ATG16L1: variants seen among roughly 807,000 people sequenced by gnomAD.
ATG16L1 encodes autophagy-related protein 16-1.
In ATG16L1, 37 loss-of-function variants were observed where a neutral mutation model predicts 88.5. The observed-to-expected ratio is 0.42, with a 90% CI of 0.32 to 0.55. The LOEUF is 0.55. Among genes scored for constraint, ATG16L1 ranks in the 20% least tolerant of loss-of-function variants. The probability of loss-of-function intolerance (pLI) is 0.13; values close to 1 mark genes in which losing one functional copy is unlikely to be tolerated. For synonymous variants in ATG16L1, 301 were observed against 281.0 expected (o/e 1.07, Z -0.71); for missense variants, 554 against 752.8 (o/e 0.74, Z 3.09).
intron 2 of ATG16L1, among the ~76,000 whole-genome samples, chr2:233,262,571 T>C (rs2125219770): frequency 6.6e-6 from 1 of 152,332 alleles, no homozygotes; most frequent in East Asian, 1.9e-4. Flanking sequence ...TGCTGCTCCT[T>C]CTGCCCAGAG....
chr2:233,263,542 C>T (rs12162308), intron 3 of ATG16L1, among the ~76,000 whole-genome samples: 1 of 151,910 alleles, frequency 6.6e-6, no homozygotes, highest in African/African-American at 2.4e-5. Flanking sequence ...CGCTGAAGGC[C>T]TCACTGATGG....
chr2:233,274,809 C>T (rs367911810), intron 9 of ATG16L1, 31 bp downstream of exon 9: 87 of 1,518,212 alleles, frequency 5.7e-5, no homozygotes, highest in Middle Eastern at 3.6e-4. Context: ...AACCCTACCA[C>T]GCTTGATATG....
At chr2:233,253,795 C>T (rs1453566329) in intron 1 of ATG16L1, among the ~76,000 whole-genome samples, 1 of 152,206 alleles carries the variant, frequency 6.6e-6, no homozygotes, top group Non-Finnish European at 1.5e-5. Flanking sequence ...CTAGGAGGCC[C>T]TGAAGAACAG....
chr2:233,293,830 C>T (rs1198602158), intron 17 of ATG16L1, among the ~76,000 whole-genome samples: 2 of 152,184 alleles, frequency 1.3e-5, no homozygotes. Context: ...CCACACAAGC[C>T]CACCTGCTAG....
At chr2:233,287,024 T>C (rs1368216510) in intron 12 of ATG16L1, among the ~76,000 whole-genome samples, 1 of 152,134 alleles carries the variant, frequency 6.6e-6, no homozygotes, top group Admixed American at 6.5e-5. Flanking sequence ...GTTTCATTCC[T>C]GGAAATAAGT....
intron 5 of ATG16L1, among the ~76,000 whole-genome samples, chr2:233,267,362 A>T (rs995064820): frequency 6.6e-6 from 1 of 152,234 alleles, no homozygotes; most frequent in Non-Finnish European, 1.5e-5. Flanking sequence ...AGCAAAACGA[A>T]AAGAATACTT....
intron 5 of ATG16L1, among the ~76,000 whole-genome samples, chr2:233,269,178 A>G (rs1697809851): frequency 6.6e-6 from 1 of 152,242 alleles, no homozygotes; most frequent in African/African-American, 2.4e-5. Flanking sequence ...TACTAATGTT[A>G]TGTAAACTTT....
rs1699422317 is a variant in ATG16L1, at chr2:233,290,957, A to G, written c.1430+604A>G. On this transcript the variant is annotated intron_variant, in intron 14 of 17. Transcript: ENST00000392017. The stretch of plus-strand genomic sequence containing the variant: ...GGAAATGGTTGCTTTGCAGGAGTCT[A>G]GTAGACGACTTTGGTGGCATTTTGA... 2.0e-5 allele frequency among the ~76,000 whole-genome samples: 3 copies of G among 152,334 alleles called. No individual in the cohort carries two copies. In the South Asian group the frequency reaches 6.2e-4, roughly 32 times the overall value.
chr2:233,273,463 T>C, intron 7 of ATG16L1: 1 of 533,234 alleles, frequency 1.9e-6, no homozygotes, highest in Non-Finnish European at 3.3e-6. Flanking sequence ...GTGAGGTTAG[T>C]TGTCTAATGC....
At chr2:233,271,020 A>G (rs1295316165) in intron 6 of ATG16L1, among the ~76,000 whole-genome samples, 3 of 152,206 alleles carry the variant, frequency 2.0e-5, no homozygotes, top group Non-Finnish European at 4.4e-5. Flanking sequence ...TGCTTTAGAT[A>G]TGTAGGGTAC....
At chr2:233,293,752 C>T (rs1233729786) in intron 17 of ATG16L1, among the ~76,000 whole-genome samples, 2 of 152,174 alleles carry the variant, frequency 1.3e-5, no homozygotes, top group African/African-American at 2.4e-5. Context: ...CTGATCTCCA[C>T]ACACCTTCTT....
rs181150918 is a variant in ATG16L1, at chr2:233,254,026, G to A, written c.116-2076G>A. Among the ~76,000 whole-genome samples the A allele has an allele frequency of 9.2e-4, 140 of 152,340 alleles. 2 individuals carry two copies. The highest frequency in any genetic ancestry group is 1.5e-3 in the Non-Finnish European group (100 of 68,022). ...TTTGCCTCATCTATAAAATGGGGAT[G>A]AAGCTTGCCCTGCCCACTTCATAAA... On this transcript the variant is annotated intron_variant, in intron 1 of 17. Transcript: ENST00000392017.
At chr2:233,287,878 CA>C (rs1386832453) in intron 12 of ATG16L1, among the ~76,000 whole-genome samples, 1 of 151,668 alleles carries the variant, frequency 6.6e-6, no homozygotes, top group African/African-American at 2.4e-5. Flanking sequence ...AACTCTGTCT[CA>C]AAAAAGAAAA....
chr2:233,293,212 G>C (rs1448472356), intron 16 of ATG16L1, 44 bp from the exon 17 acceptor site: 1 of 1,520,012 alleles, frequency 6.6e-7, no homozygotes. Flanking sequence ...GCTGAATTGG[G>C]GGTGGGGAAT....
rs183268725 is a variant in ATG16L1 at position 233,274,911 on chromosome 2, T to A, written c.954+133T>A. On this transcript the variant is annotated intron_variant, in intron 9 of 17. Transcript: ENST00000392017. ...ATATCAAGCCTTTCCACCTTTTGGC[T>A]CTGTCAGCTGTGAGAAATTGATATA... is the stretch of plus-strand genomic sequence containing the variant. The A allele has an allele frequency of 8.2e-4, 490 of 599,932 alleles. 2 individuals are homozygous for A. The Admixed American group carries it at 0.013, about 16-fold the overall frequency. 37.2% of individuals were successfully genotyped at this position (599,932 alleles called of 1,614,324 possible).
chr2:233,283,184 G>A (rs1383385379), intron 12 of ATG16L1, among the ~76,000 whole-genome samples: 2 of 152,156 alleles, frequency 1.3e-5, no homozygotes, highest in Non-Finnish European at 2.9e-5. Context: ...AGAAAGAGGG[G>A]ACAGGTGTCA....
chr2:233,292,532 C>A, intron 16 of ATG16L1, 98 bp downstream of exon 16: 1 of 1,451,114 alleles, frequency 6.9e-7, no homozygotes, highest in Non-Finnish European at 9.6e-7. Context: ...TTGTTCAGTG[C>A]CCAACCTATG....
intron 2 of ATG16L1, among the ~76,000 whole-genome samples, chr2:233,259,820 C>T (rs1184640029): frequency 6.6e-6 from 1 of 152,204 alleles, no homozygotes; most frequent in Non-Finnish European, 1.5e-5. Context: ...TGGTTCTCCA[C>T]CCCCTAGCCT....
At chr2:233,289,762 T>C in intron 12 of ATG16L1, 92 bp from the exon 13 acceptor site, 2 of 1,547,290 alleles carry the variant, frequency 1.3e-6, no homozygotes, top group Non-Finnish European at 1.8e-6. Flanking sequence ...TCTGACACTC[T>C]GACTCTGGAG....
Sources: gnomAD v4.1 joint callset for allele counts (sites outside exome capture counted in the v4.1 genomes callset) on GRCh38, gnomAD v4.1.1 for gene constraint, MANE v1.5 for transcripts, NCBI Gene and HGNC (gene_info 2026-07-23, HGNC 2026-07-21) for gene names.